PHTF2: variants seen among roughly 807,000 people sequenced by gnomAD.
PHTF2 encodes putative homeodomain transcription factor 2, also known as protein PHTF2.
A neutral mutation model predicts 101.2 loss-of-function variants in PHTF2; 60 were observed. The ratio of observed to expected loss-of-function variants is 0.59; its 90% CI spans 0.48 to 0.73. PHTF2 has a LOEUF of 0.73. Ranked by LOEUF, PHTF2 falls within the 30% of genes least tolerant of loss-of-function variation. The probability of loss-of-function intolerance (pLI) is 0.00; values close to 1 mark genes in which losing one functional copy is unlikely to be tolerated. For synonymous variants in PHTF2, 311 were observed against 307.3 expected, an observed-to-expected ratio of 1.01 and a Z score of -0.13; for missense variants, 747 against 908.7, an observed-to-expected ratio of 0.82 and a Z score of 2.29.
intron 1 of PHTF2, among the ~76,000 whole-genome samples, chr7:77,821,170 C>G (rs75415614): frequency 0.036 from 5,395 of 151,214 alleles, 122 homozygotes; most frequent in Middle Eastern, 0.086. Context: ...TCATCTCATT[C>G]TCTGCTGGCC....
intron 15 of PHTF2, among the ~76,000 whole-genome samples, chr7:77,942,109 TGCC>T (rs2150977538): frequency 6.6e-6 from 1 of 152,298 alleles, no homozygotes; most frequent in Non-Finnish European, 1.5e-5. Context: ...CACTGCTGTG[TGCC>T]ATCATGCCCC....
At chr7:77,813,580 G>A (rs1793615707) in intron 1 of PHTF2, among the ~76,000 whole-genome samples, 4 of 152,198 alleles carry the variant, frequency 2.6e-5, no homozygotes, top group Admixed American at 2.6e-4. Flanking sequence ...CACCTTGGGA[G>A]AAGAGAAAGG....
chr7:77,939,589 C>CAAAAAAAAA (rs914007792), intron 13 of PHTF2, among the ~76,000 whole-genome samples: 8 of 75,090 alleles, frequency 1.1e-4, no homozygotes, highest in East Asian at 9.0e-4. Flanking sequence ...GACCCTGTCT[C>CAAAAAAAAA]AAAAAAAAAA....
chr7:77,839,506 T>C (rs747999962), intron 1 of PHTF2, among the ~76,000 whole-genome samples: 3 of 152,262 alleles, frequency 2.0e-5, no homozygotes, highest in Non-Finnish European at 2.9e-5. Context: ...TTAATCTGTT[T>C]CTTGTAAGTT....
chr7:77,846,768 A>C lies in PHTF2; in HGVS notation c.45+6468A>C, dbSNP rs556455001. On this transcript the variant is annotated intron_variant, in intron 2 of 19. Transcript: ENST00000416283. ...AGCAGTCCTCTTGCTCAGCCTTCCGAGTAGCTGGGACTACAGACTTGCACT... is the reference window on the plus strand; with the variant it reads ...AGCAGTCCTCTTGCTCAGCCTTCCGCGTAGCTGGGACTACAGACTTGCACT... Among the ~76,000 whole-genome samples, 14 of 151,940 alleles carry C rather than the reference A, an allele frequency of 9.2e-5. No individual in the cohort carries two copies. In the East Asian group the frequency reaches 2.1e-3, roughly 23 times the overall value.
intron 5 of PHTF2, among the ~76,000 whole-genome samples, chr7:77,897,162 G>A (rs907313395): frequency 1.3e-5 from 2 of 151,888 alleles, no homozygotes; most frequent in Admixed American, 6.6e-5. Context: ...AGAAAAAGGG[G>A]GTGGGGGAAC....
At chr7:77,920,726 G>A (rs1394477405) in intron 10 of PHTF2, among the ~76,000 whole-genome samples, 1 of 152,156 alleles carries the variant, frequency 6.6e-6, no homozygotes, top group East Asian at 1.9e-4. Flanking sequence ...CTGTTATCCA[G>A]GCTGGAGTGA....
intron 1 of PHTF2, among the ~76,000 whole-genome samples, chr7:77,826,253 AATT>A (rs1794691235): frequency 6.6e-6 from 1 of 152,232 alleles, no homozygotes; most frequent in South Asian, 2.1e-4. Flanking sequence ...TTAATTTCTC[AATT>A]ATTGTCAATT....
At chr7:77,913,318 A>G (rs927231967) in intron 9 of PHTF2, among the ~76,000 whole-genome samples, 1 of 150,582 alleles carries the variant, frequency 6.6e-6, no homozygotes, top group Non-Finnish European at 1.5e-5. Context: ...AACCCAGGCA[A>G]TGGAGGTTGT....
chr7:77,834,631 G>T (rs1365790303), intron 1 of PHTF2, among the ~76,000 whole-genome samples: 1 of 152,096 alleles, frequency 6.6e-6, no homozygotes, highest in Non-Finnish European at 1.5e-5. Context: ...AACCTTTATT[G>T]AGTTGTGGAA....
At chr7:77,866,366 G>A (rs774716377) in intron 3 of PHTF2, among the ~76,000 whole-genome samples, 1 of 152,104 alleles carries the variant, frequency 6.6e-6, no homozygotes, top group African/African-American at 2.4e-5. Context: ...GGATTTTCCA[G>A]TGCAAATAAT....
At chr7:77,844,101 G>A (rs1796087456) in intron 2 of PHTF2, among the ~76,000 whole-genome samples, 2 of 152,094 alleles carry the variant, frequency 1.3e-5, no homozygotes, top group South Asian at 4.2e-4. Context: ...GGGCTCAAAC[G>A]ATCCTCCTGC....
chr7:77,885,380 G>A (rs551774602), intron 3 of PHTF2, among the ~76,000 whole-genome samples: 2 of 152,134 alleles, frequency 1.3e-5, no homozygotes, highest in South Asian at 4.2e-4. Context: ...CATATTATAG[G>A]CATGAGCCAC....
chr7:77,931,485 C>G (rs2150948477), intron 12 of PHTF2, among the ~76,000 whole-genome samples: 1 of 152,252 alleles, frequency 6.6e-6, no homozygotes, highest in East Asian at 1.9e-4. Flanking sequence ...GATGGTCAGC[C>G]TTGCTATTAG....
At chr7:77,834,373 A>T (rs1263712369) in intron 1 of PHTF2, among the ~76,000 whole-genome samples, 1 of 151,954 alleles carries the variant, frequency 6.6e-6, no homozygotes, top group Non-Finnish European at 1.5e-5. Flanking sequence ...TGAGTTGTTT[A>T]CTGAGAATTT....
At chr7:77,862,347 G>A (rs1473556946) in intron 3 of PHTF2, among the ~76,000 whole-genome samples, 1 of 152,058 alleles carries the variant, frequency 6.6e-6, no homozygotes, top group Non-Finnish European at 1.5e-5. Flanking sequence ...ATAATAGAAT[G>A]TTTTTGGTTT....
At chr7:77,956,429 A>G (rs1420775770) in exon 20 of PHTF2, 1 of 152,516 alleles carries the variant, frequency 6.6e-6, no homozygotes, top group Non-Finnish European at 1.5e-5. Flanking sequence ...ATTGTGTAGT[A>G]TGTTTTTTCT....
At chr7:77,873,451 T>C (rs1026498313) in intron 3 of PHTF2, among the ~76,000 whole-genome samples, 2 of 152,166 alleles carry the variant, frequency 1.3e-5, no homozygotes, top group African/African-American at 4.8e-5. Flanking sequence ...AGTCACACTA[T>C]CAACCCCCCC....
chr7:77,828,129 C>T (rs1794824234), intron 1 of PHTF2, among the ~76,000 whole-genome samples: 1 of 152,164 alleles, frequency 6.6e-6, no homozygotes, highest in African/African-American at 2.4e-5. Flanking sequence ...CTGCTGAAGA[C>T]CAGTAATAAC....
Sources: gnomAD v4.1 joint callset for allele counts (sites outside exome capture counted in the v4.1 genomes callset) on GRCh38, gnomAD v4.1.1 for gene constraint, MANE v1.5 for transcripts, NCBI Gene and HGNC (gene_info 2026-07-23, HGNC 2026-07-21) for gene names.